SYTL5: variants seen among roughly 807,000 people sequenced by gnomAD.
SYTL5 encodes synaptotagmin like 5.
SYTL5 carries 34 observed loss-of-function variants against 55.9 expected under a neutral mutation model. The ratio of observed to expected loss-of-function variants is 0.61; its 90% CI spans 0.46 to 0.81. The LOEUF is 0.81. Among genes scored for constraint, SYTL5 ranks in the 30% least tolerant of loss-of-function variants. The pLI, the probability that SYTL5 is intolerant of heterozygous loss-of-function variation, is 0.00. For missense variants in SYTL5, 637 were observed against 546.7 expected (o/e 1.17, Z -1.65); for synonymous variants, 221 against 188.7 (o/e 1.17, Z -1.40).
At chrX:37,968,983 A>C in the SYTL5 span, among the ~76,000 whole-genome samples, 1 of 111,950 alleles carries the variant, frequency 8.9e-6, no homozygotes, top group African/African-American at 3.2e-5. Context: ...TAAATAGTTA[A>C]TTGGTTTTGC....
intron 16 of SYTL5, 86 bp downstream of exon 16, chrX:38,125,592 G>GTA: frequency 1.5e-6 from 1 of 671,946 alleles, no homozygotes; most frequent in Non-Finnish European, 2.3e-6. Context: ...TGCAGTGGAT[G>GTA]TATATATATA....
At chrX:37,939,044 G>A in the SYTL5 span, among the ~76,000 whole-genome samples, 2 of 110,682 alleles carry the variant, frequency 1.8e-5, no homozygotes, top group East Asian at 5.6e-4. Flanking sequence ...GATCACCTGA[G>A]GTCGGGAGTT....
At chrX:38,125,227 C>A in intron 15 of SYTL5, 71 bp from the exon 16 acceptor site, 1 of 934,430 alleles carries the variant, frequency 1.1e-6, no homozygotes, top group Non-Finnish European at 1.5e-6. Flanking sequence ...ATAGACACAT[C>A]ACACTTGTGT....
At chrX:38,121,895 A>G (rs1937574979) in intron 14 of SYTL5, among the ~76,000 whole-genome samples, 185 bp from the exon 15 acceptor site, 1 of 112,699 alleles carries the variant, frequency 8.9e-6, no homozygotes, top group South Asian at 3.7e-4. Context: ...CCTATCTGGA[A>G]GGAATCCAAT....
At chrX:38,112,829 A>AGCAGCT (rs1208818034) in intron 13 of SYTL5, among the ~76,000 whole-genome samples, 1 of 112,028 alleles carries the variant, frequency 8.9e-6, no homozygotes, top group Non-Finnish European at 1.9e-5. Flanking sequence ...TTGTCACTCC[A>AGCAGCT]GCAGCTGCAG....
In SYTL5 at chrX:38,108,936, G is replaced by A. The variant is rs1223806358; in HGVS notation, c.1434+237G>A. 6.2e-5 allele frequency among the ~76,000 whole-genome samples: 7 copies of A among 112,351 alleles called. No individual in the cohort carries two copies. In the East Asian group the frequency reaches 1.9e-3, roughly 31 times the overall value. ...ACTGAATTTGAACCTTGAGTAGAGAGGATCCAGCCAAACTGCATCGGTGCT... is the reference window on the plus strand; with the variant it reads ...ACTGAATTTGAACCTTGAGTAGAGAAGATCCAGCCAAACTGCATCGGTGCT... On this transcript the variant is annotated intron_variant, in intron 12 of 16. Coordinates refer to ENST00000297875, the MANE Select transcript of SYTL5 (RefSeq NM_138780.3).
intron 7 of SYTL5, 92 bp downstream of exon 7, chrX:38,089,679 G>T: frequency 1.0e-6 from 1 of 962,509 alleles, no homozygotes. Flanking sequence ...AAACAAAAGA[G>T]ATTTAATTGA....
Position 38,076,636 on chromosome X carries a change from G to C in SYTL5, c.624G>C (p.Arg208=), listed in dbSNP as rs770651300. ...TAACTCCCAAAACTGACACTGGGCGGAGCTATAGCTTGGACTTAGACGGTC... is the reference window on the plus strand; with the variant it reads ...TAACTCCCAAAACTGACACTGGGCGCAGCTATAGCTTGGACTTAGACGGTC... ...EIITPKTDTG[R]SYSLDLDGQH... The change falls in exon 6 of 17, where the codon CGG becomes CGC. Residue 208 remains arginine (R), a synonymous_variant. Coordinates refer to ENST00000297875, the MANE Select transcript of SYTL5 (RefSeq NM_138780.3). 5.8e-6 allele frequency: 7 copies of C among 1,208,251 alleles called. No individual in the cohort carries two copies. In the East Asian group the frequency reaches 1.8e-4, roughly 31 times the overall value.
chrX:38,029,817 A>G lies in SYTL5; in HGVS notation c.-356-3717A>G, dbSNP rs1003481655. Among the ~76,000 whole-genome samples, 7 of 107,922 alleles carry G rather than the reference A, an allele frequency of 6.5e-5. No individual in the cohort carries two copies. In the Admixed American group the frequency reaches 7.1e-4, roughly 11 times the overall value. The allele number at this position is 107,922 out of a possible 115,157, so 93.7% of individuals were successfully genotyped here. A position where few individuals can be genotyped will look rare whatever the true frequency, so the allele number is the denominator to read the frequency against. On this transcript the variant is annotated intron_variant, in intron 1 of 16. Coordinates refer to ENST00000297875, the MANE Select transcript of SYTL5 (RefSeq NM_138780.3). ...GACAAAATATTTGATTTAAGCTCTTATTTTTAAACTAATTAAAGTTTTTAA... is the reference window on the plus strand; with the variant it reads ...GACAAAATATTTGATTTAAGCTCTTGTTTTTAAACTAATTAAAGTTTTTAA...
chrX:38,044,478 C>T (rs1935399536), intron 2 of SYTL5, among the ~76,000 whole-genome samples: 1 of 111,718 alleles, frequency 9.0e-6, no homozygotes, highest in Admixed American at 9.5e-5. Flanking sequence ...AATGGAAACC[C>T]TCTAGTATGT....
intron 15 of SYTL5, among the ~76,000 whole-genome samples, chrX:38,124,590 T>C (rs1211209284): frequency 2.7e-5 from 3 of 111,811 alleles, no homozygotes; most frequent in South Asian, 3.7e-4. Context: ...GGCGTTTTAT[T>C]TGAAGACAAA....
At chrX:37,916,351 C>T in the SYTL5 span, among the ~76,000 whole-genome samples, 1 of 112,639 alleles carries the variant, frequency 8.9e-6, no homozygotes, top group South Asian at 3.6e-4. Flanking sequence ...ATAGCACAAT[C>T]TTAATACATA....
chrX:37,975,915 G>A, the SYTL5 span, among the ~76,000 whole-genome samples: 1 of 110,235 alleles, frequency 9.1e-6, no homozygotes, highest in Non-Finnish European at 1.9e-5. Context: ...CTAAATCTTC[G>A]TCAGCACTGG....
the SYTL5 span, among the ~76,000 whole-genome samples, chrX:37,889,592 G>C: frequency 2.7e-5 from 3 of 110,720 alleles, no homozygotes; most frequent in Admixed American, 1.9e-4. Context: ...TGAGTGGGGG[G>C]GATAATCATA....
chrX:37,895,482 CTCT>C, the SYTL5 span, among the ~76,000 whole-genome samples: 1 of 76,036 alleles, frequency 1.3e-5, no homozygotes, highest in South Asian at 6.8e-4. Context: ...CCCTCTCTCT[CTCT>C]TTTTTTCTTT....
chrX:37,945,088 G>A, the SYTL5 span, among the ~76,000 whole-genome samples: 1 of 112,985 alleles, frequency 8.9e-6, no homozygotes, highest in African/African-American at 3.2e-5. Context: ...AATACAATCT[G>A]AAGCAAAGCA....
At chrX:37,893,743 A>T in the SYTL5 span, among the ~76,000 whole-genome samples, 31 of 89,451 alleles carry the variant, frequency 3.5e-4, no homozygotes, top group African/African-American at 1.3e-3. Flanking sequence ...CTATAGATAA[A>T]CTATAGATTA....
At chrX:38,070,758 C>A (rs1936239659) in intron 3 of SYTL5, among the ~76,000 whole-genome samples, 1 of 111,766 alleles carries the variant, frequency 8.9e-6, no homozygotes, top group African/African-American at 3.2e-5. Context: ...ATAGTGCTCA[C>A]CTAATCAGCT....
the SYTL5 span, among the ~76,000 whole-genome samples, chrX:37,905,538 A>C: frequency 6.5e-5 from 7 of 108,163 alleles, no homozygotes; most frequent in East Asian, 2.0e-3. Flanking sequence ...AGCCAGCTGC[A>C]CCTGTTTCTG....
Sources: gnomAD v4.1 joint callset for allele counts (sites outside exome capture counted in the v4.1 genomes callset) on GRCh38, gnomAD v4.1.1 for gene constraint, MANE v1.5 for transcripts, NCBI Gene and HGNC (gene_info 2026-07-23, HGNC 2026-07-21) for gene names.